The following P2RX5 variants were observed in gnomAD, a reference collection of about 807,000 sequenced individuals.
The protein encoded by P2RX5 is purinergic receptor P2X 5.
A neutral mutation model predicts 54.1 loss-of-function variants in P2RX5; 46 were observed. That is an observed-to-expected ratio of 0.85 (90% CI 0.67 to 1.09). The LOEUF is 1.09. P2RX5 is among the 50% of genes least tolerant of loss of function. P2RX5 has a pLI of 0.00. For missense variants in P2RX5, 566 were observed against 549.8 expected (o/e 1.03, Z -0.29); for synonymous variants, 226 against 226.4 (o/e 1.00, Z 0.02).
the P2RX5 span, chr17:3,716,962 T>G: frequency 1.7e-6 from 1 of 572,852 alleles, no homozygotes; most frequent in Non-Finnish European, 3.1e-6. Context: ...TGATGCAGCA[T>G]TTTAGATCAT....
At chr17:3,680,457 C>A (rs1343134552) in intron 10 of P2RX5, among the ~76,000 whole-genome samples, 2 of 115,608 alleles carry the variant, frequency 1.7e-5, no homozygotes, top group East Asian at 5.7e-4. Context: ...CACCCTGAGT[C>A]CTCCACCCAG....
chr17:3,680,564 TGCTTCCTCCACCCG>T (rs1350286225), intron 10 of P2RX5, among the ~76,000 whole-genome samples: 1 of 133,436 alleles, frequency 7.5e-6, no homozygotes, highest in Non-Finnish European at 1.6e-5. Context: ...TCCTCCACCC[TGCTTCCTCCACCCG>T]GCTTCCTCTA....
chr17:3,673,802 G>C lies in P2RX5; in HGVS notation c.*66C>G, dbSNP rs2050036211. 1.2e-6 allele frequency: 2 copies of C among 1,612,124 alleles called. No individual in the cohort carries two copies. Among genetic ancestry groups the C allele is most frequent in the African/African-American group, 2.7e-5 (2 of 74,860 alleles). Reference sequence around the variant, plus strand: ...TGGGCAGCATCCTGGGATTCCCAAAGGCATGGGATCACTGGGTGCTAGACG... The same window carrying C: ...TGGGCAGCATCCTGGGATTCCCAAACGCATGGGATCACTGGGTGCTAGACG... On this transcript the variant is annotated 3_prime_UTR_variant, in exon 12 of 12. Coordinates refer to ENST00000225328, the MANE Select transcript of P2RX5 (RefSeq NM_002561.4).
the P2RX5 span, chr17:3,720,530 A>G: frequency 6.9e-6 from 4 of 576,792 alleles, no homozygotes; most frequent in South Asian, 8.4e-5. Flanking sequence ...CCTAACGTAC[A>G]CAACACTACA....
the P2RX5 span, chr17:3,716,603 G>C: frequency 2.5e-6 from 2 of 803,046 alleles, no homozygotes; most frequent in Non-Finnish European, 4.2e-6. Flanking sequence ...GCTGCTCTAA[G>C]TCAGAGGTTG....
chr17:3,674,958 C>T (rs1223162277), intron 11 of P2RX5, among the ~76,000 whole-genome samples: 1 of 152,244 alleles, frequency 6.6e-6, no homozygotes, highest in Non-Finnish European at 1.5e-5. Flanking sequence ...ATCTCTGTCT[C>T]AGCAGCATCT....
At chr17:3,675,737 G>C (rs12951974) in intron 11 of P2RX5, 1 of 646,246 alleles carries the variant, frequency 1.5e-6, no homozygotes, top group African/African-American at 2.0e-5. Flanking sequence ...ATTTTTAGTA[G>C]AGATGGGGTT....
At chr17:3,688,529 C>A in intron 8 of P2RX5, 97 bp downstream of exon 8, 1 of 1,368,086 alleles carries the variant, frequency 7.3e-7, no homozygotes, top group Non-Finnish European at 1.0e-6. Flanking sequence ...CGCTCTGACA[C>A]CCACCCCCAG....
chr17:3,705,504 C>T, the P2RX5 span, among the ~76,000 whole-genome samples: 4 of 152,110 alleles, frequency 2.6e-5, no homozygotes, highest in African/African-American at 9.7e-5. Context: ...TTCATGAAGG[C>T]CTCCTCAATT....
chr17:3,677,154 C>G, intron 11 of P2RX5: 2 of 985,376 alleles, frequency 2.0e-6, no homozygotes, highest in Non-Finnish European at 2.4e-6. Context: ...TGGCATAAGA[C>G]AGGTGGGGAC....
chr17:3,682,092 C>T (rs2050300297), intron 9 of P2RX5, 114 bp from the exon 10 acceptor site: 1 of 740,914 alleles, frequency 1.3e-6, no homozygotes, highest in East Asian at 2.7e-5. Flanking sequence ...TCACTGTCCC[C>T]ATTTAACAGA....
the P2RX5 span, among the ~76,000 whole-genome samples, chr17:3,703,611 A>G: frequency 6.6e-6 from 1 of 152,142 alleles, no homozygotes; most frequent in Non-Finnish European, 1.5e-5. Context: ...AGAGTTGCCA[A>G]CAGCATCACT....
upstream of P2RX5, among the ~76,000 whole-genome samples, chr17:3,698,340 C>A (rs1409545391): frequency 6.6e-6 from 1 of 152,146 alleles, no homozygotes; most frequent in African/African-American, 2.4e-5. Flanking sequence ...TGCCCATCAA[C>A]CCCAGCACAG....
chr17:3,689,974 G>T (rs965976951), intron 6 of P2RX5, 96 bp downstream of exon 6: 3 of 1,072,358 alleles, frequency 2.8e-6, no homozygotes, highest in East Asian at 4.7e-5. Context: ...ACACACGCGC[G>T]CACACACACC....
chr17:3,708,720 T>G, the P2RX5 span, among the ~76,000 whole-genome samples: 19,713 of 152,132 alleles, frequency 0.13, 4,252 homozygotes, highest in African/African-American at 0.45. Flanking sequence ...AAATTGTGAT[T>G]AATTCCCCAA....
At chr17:3,715,918 A>T in the P2RX5 span, among the ~76,000 whole-genome samples, 2 of 151,974 alleles carry the variant, frequency 1.3e-5, no homozygotes, top group African/African-American at 4.8e-5. Flanking sequence ...GAACTTTGGG[A>T]GGCCGAGGCG....
chr17:3,721,765 G>A, the P2RX5 span: 1 of 152,242 alleles, frequency 6.6e-6, no homozygotes, highest in Admixed American at 6.5e-5. Context: ...AACACGTGTG[G>A]CCGGGTGTGG....
chr17:3,723,507 CA>C, the P2RX5 span: 1 of 977,292 alleles, frequency 1.0e-6, no homozygotes, highest in Non-Finnish European at 1.6e-6. Context: ...TTTCAGCGCT[CA>C]CCTCGGCCCA....
intron 8 of P2RX5, 94 bp downstream of exon 8, chr17:3,688,532 A>G: frequency 7.2e-7 from 1 of 1,382,882 alleles, no homozygotes; most frequent in South Asian, 1.2e-5. Context: ...TCTGACACCC[A>G]CCCCCAGGAA....
Sources: gnomAD v4.1 joint callset for allele counts (sites outside exome capture counted in the v4.1 genomes callset) on GRCh38, gnomAD v4.1.1 for gene constraint, MANE v1.5 for transcripts, NCBI Gene and HGNC (gene_info 2026-07-23, HGNC 2026-07-21) for gene names.